The following AGPS variants were observed in gnomAD, a reference collection of about 807,000 sequenced individuals.
The protein encoded by AGPS is alkylglycerone phosphate synthase, also known as alkyldihydroxyacetonephosphate synthase, peroxisomal.
Under a neutral mutation model 90.7 loss-of-function variants are expected in AGPS, and 26 were observed. The ratio of observed to expected loss-of-function variants is 0.29; its 90% confidence interval spans 0.21 to 0.40. The LOEUF is 0.40. Ranked by LOEUF, AGPS falls within the 10% of genes least tolerant of loss-of-function variation. The pLI, the probability that AGPS is intolerant of heterozygous loss-of-function variation, is 1.00. For synonymous variants in AGPS, 294 were observed against 285.3 expected (o/e 1.03, Z -0.31); for missense variants, 540 against 816.1 (o/e 0.66, Z 4.12).
chr2:177,396,049 G>A (rs1471835496), intron 1 of AGPS, among the ~76,000 whole-genome samples: 1 of 110,776 alleles, frequency 9.0e-6, no homozygotes. Context: ...TACAAATGTA[G>A]CACAAAGGAA....
intron 1 of AGPS, among the ~76,000 whole-genome samples, chr2:177,412,811 A>G (rs916693439): frequency 5.3e-5 from 8 of 152,126 alleles, no homozygotes; most frequent in African/African-American, 1.7e-4. Context: ...ATTAGAAGCC[A>G]TGGGTCATGG....
At chr2:177,506,764 A>C (rs1204585891) in intron 15 of AGPS, among the ~76,000 whole-genome samples, 1 of 152,004 alleles carries the variant, frequency 6.6e-6, no homozygotes, top group Non-Finnish European at 1.5e-5. Context: ...GTAATAGATG[A>C]TTGTAGATCT....
At chr2:177,438,652 C>G (rs1198766903) in intron 5 of AGPS, among the ~76,000 whole-genome samples, 1 of 152,068 alleles carries the variant, frequency 6.6e-6, no homozygotes, top group African/African-American at 2.4e-5. Context: ...GTTTCTTGCC[C>G]CTTAAGCCTC....
At chr2:177,439,200 G>T (rs1338358146) in intron 5 of AGPS, among the ~76,000 whole-genome samples, 1 of 152,170 alleles carries the variant, frequency 6.6e-6, no homozygotes, top group Non-Finnish European at 1.5e-5. Context: ...GGTAGTTGAG[G>T]ATAAGCAGTG....
At chr2:177,438,350 C>G (rs914612362) in intron 5 of AGPS, among the ~76,000 whole-genome samples, 1 of 152,048 alleles carries the variant, frequency 6.6e-6, no homozygotes, top group Admixed American at 6.6e-5. Flanking sequence ...GCCTGAAGTT[C>G]GAGTCTAGCC....
Position 177,428,573 on chromosome 2 carries a change from T to TAA in AGPS, c.351-5754_351-5753insAA, listed in dbSNP as rs561649151. 2.4e-3 allele frequency among the ~76,000 whole-genome samples: 361 copies of TAA among 152,348 alleles called. 3 individuals are homozygous for TAA. Among genetic ancestry groups the TAA allele is most frequent in the African/African-American group, 7.9e-3 (328 of 41,572 alleles). ...TGGAAAGGATCTTCTTCTTCGCTTA[T>TAA]GAAGCTTAGTTTGGCTGGATATGAA... is the stretch of plus-strand genomic sequence containing the variant. On this transcript the variant is annotated intron_variant, in intron 2 of 19. Coordinates refer to ENST00000264167, the MANE Select transcript of AGPS (RefSeq NM_003659.4).
In AGPS at chr2:177,528,849, C is replaced by CTTTTTTTTT. The variant is rs71008000; in HGVS notation, c.1855+5059_1855+5067dup. 1.0e-3 allele frequency among the ~76,000 whole-genome samples: 79 copies of CTTTTTTTTT among 79,138 alleles called. 1 individual carries two copies. The highest frequency in any genetic ancestry group is 2.7e-3 in the East Asian group (6 of 2,214). 51.9% of individuals were successfully genotyped at this position (79,138 alleles called of 152,430 possible). ...TAGCTCTGAATCTTGCATATTAATCCTTTTTTTTTTTTTTTTTTTTTTTGA... is the reference window on the plus strand; with the variant it reads ...TAGCTCTGAATCTTGCATATTAATCCTTTTTTTTTTTTTTTTTTTTTTTTTTTTTTTTGA... On this transcript the variant is annotated intron_variant, in intron 19 of 19. Transcript: ENST00000264167.
At chr2:177,414,652 A>G (rs999334369) in intron 1 of AGPS, among the ~76,000 whole-genome samples, 1 of 152,228 alleles carries the variant, frequency 6.6e-6, no homozygotes, top group Non-Finnish European at 1.5e-5. Flanking sequence ...TATTGCTAAG[A>G]AGCCCAATAG....
intron 11 of AGPS, among the ~76,000 whole-genome samples, chr2:177,483,322 A>G (rs1452050444): frequency 6.6e-6 from 1 of 152,126 alleles, no homozygotes; most frequent in Admixed American, 6.6e-5. Context: ...TTTATTCCAT[A>G]CACTCATAAA....
rs559167533 is a variant in AGPS, at chr2:177,477,186, C to G, written c.1106-4873C>G. ...ATTTATGTCTGCCTTATTTTCCCCCCCTCTGTGGGTCTCATGTCTTTTTGT... is the reference window on the plus strand; with the variant it reads ...ATTTATGTCTGCCTTATTTTCCCCCGCTCTGTGGGTCTCATGTCTTTTTGT... On this transcript the variant is annotated intron_variant, in intron 10 of 19. Transcript: ENST00000264167. 5.3e-4 allele frequency among the ~76,000 whole-genome samples: 80 copies of G among 152,092 alleles called. 4 individuals carry two copies. In the South Asian group the frequency reaches 0.013, roughly 24 times the overall value.
chr2:177,396,899 A>G (rs1574335819), intron 1 of AGPS, among the ~76,000 whole-genome samples: 1 of 151,142 alleles, frequency 6.6e-6, no homozygotes, highest in Non-Finnish European at 1.5e-5. Flanking sequence ...TACTTATCAC[A>G]TGGTCTCCTA....
intron 8 of AGPS, among the ~76,000 whole-genome samples, chr2:177,449,121 T>G (rs1298164781): frequency 2.0e-5 from 3 of 152,260 alleles, no homozygotes; most frequent in Non-Finnish European, 2.9e-5. Context: ...TTTCTAGTTT[T>G]GGGCTATTAC....
chr2:177,483,446 G>A (rs1453355162), intron 11 of AGPS, among the ~76,000 whole-genome samples: 1 of 152,104 alleles, frequency 6.6e-6, no homozygotes, highest in East Asian at 1.9e-4. Context: ...TTTTCAAGTA[G>A]CTGCACTTAC....
intron 8 of AGPS, among the ~76,000 whole-genome samples, chr2:177,454,141 A>G (rs1276203498): frequency 6.6e-6 from 1 of 150,846 alleles, no homozygotes; most frequent in African/African-American, 2.4e-5. Context: ...ATTTTGAAAA[A>G]CTTTGTCCAT....
At chr2:177,469,888 T>G (rs1658921169) in intron 10 of AGPS, among the ~76,000 whole-genome samples, 1 of 152,232 alleles carries the variant, frequency 6.6e-6, no homozygotes, top group African/African-American at 2.4e-5. Flanking sequence ...TGCTAGATAT[T>G]ATGCTGGGAC....
At chr2:177,504,759 G>A (rs1032164600) in intron 14 of AGPS, among the ~76,000 whole-genome samples, 3 of 152,020 alleles carry the variant, frequency 2.0e-5, no homozygotes, top group Non-Finnish European at 4.4e-5. Context: ...TTTAATTTCT[G>A]TATGATAATG....
chr2:177,453,596 C>T (rs535067363), intron 8 of AGPS, among the ~76,000 whole-genome samples: 1 of 151,210 alleles, frequency 6.6e-6, no homozygotes, highest in Non-Finnish European at 1.5e-5. Flanking sequence ...CGACACTTAA[C>T]TTAAATACAT....
chr2:177,515,407 G>A (rs933409466), intron 17 of AGPS, among the ~76,000 whole-genome samples: 6 of 152,098 alleles, frequency 3.9e-5, no homozygotes, highest in Non-Finnish European at 8.8e-5. Context: ...TTCTTGTGTA[G>A]TTGAGAAATT....
At chr2:177,440,278 C>G (rs758944946) in intron 5 of AGPS, among the ~76,000 whole-genome samples, 1 of 152,098 alleles carries the variant, frequency 6.6e-6, no homozygotes, top group Middle Eastern at 3.4e-3. Flanking sequence ...CCTAGTAACA[C>G]GGCCTAACCA....
Sources: gnomAD v4.1 joint callset for allele counts (sites outside exome capture counted in the v4.1 genomes callset) on GRCh38, gnomAD v4.1.1 for gene constraint, MANE v1.5 for transcripts, NCBI Gene and HGNC (gene_info 2026-07-23, HGNC 2026-07-21) for gene names.